The following PCDHGB3 variants were observed in gnomAD, a reference collection of about 807,000 sequenced individuals.
PCDHGB3 encodes the protein protocadherin gamma subfamily B, 3, also known as protocadherin gamma-B3.
Under a neutral mutation model 59.2 loss-of-function variants are expected in PCDHGB3, and 40 were observed. That is an observed-to-expected ratio of 0.68 (90% confidence interval 0.52 to 0.88). The LOEUF (loss-of-function observed/expected upper bound fraction) is 0.88, where lower values mean the gene tolerates loss of function less well. Among genes scored for constraint, PCDHGB3 ranks in the 40% least tolerant of loss-of-function variants. PCDHGB3 has a pLI of 0.00. For missense variants in PCDHGB3, 1,309 were observed against 1,187.9 expected (o/e 1.10, Z -1.50); for synonymous variants, 581 against 503.6 (o/e 1.15, Z -2.06).
chr5:141,371,718 A>T lies in PCDHGB3; in HGVS notation c.1324A>T (p.Ile442Phe), dbSNP rs1191526865. Residue 442 changes from isoleucine to phenylalanine, a missense_variant, in exon 1 of 4, where the codon ATC becomes TTC. Transcript: ENST00000576222. Reference sequence around the variant, plus strand: ...CTCCAGCAAGACCATCACTCTGCACATCCTTGATGTCAACGACAACGTTCC... The same window carrying T: ...CTCCAGCAAGACCATCACTCTGCACTTCCTTGATGTCAACGACAACGTTCC... ...LSSSKTITLH[I>F]LDVNDNVPVF... 6.2e-7 allele frequency: 1 copy of T among 1,613,946 alleles called. No individual in the cohort carries two copies. Among genetic ancestry groups the T allele is most frequent in the Non-Finnish European group, 8.5e-7 (1 of 1,179,918 alleles).
At chr5:141,416,124 AT>A (rs1297389183) in intron 1 of PCDHGB3, 1 of 154,644 alleles carries the variant, frequency 6.5e-6, no homozygotes, top group Non-Finnish European at 1.4e-5. Flanking sequence ...CATTTTATAT[AT>A]TTTTCAATCT....
At chr5:141,399,736 G>A (rs771689220) in intron 1 of PCDHGB3, 4 of 1,613,306 alleles carry the variant, frequency 2.5e-6, no homozygotes, top group Non-Finnish European at 3.4e-6. Flanking sequence ...GGGCTCGCCT[G>A]CGCTCAGCGC....
chr5:141,448,323 A>G (rs2098582223), intron 1 of PCDHGB3, among the ~76,000 whole-genome samples: 1 of 152,080 alleles, frequency 6.6e-6, no homozygotes, highest in Non-Finnish European at 1.5e-5. Flanking sequence ...TTTTCTTTGA[A>G]TCTTTATAGC....
In PCDHGB3 at chr5:141,372,254, C is replaced by T. The variant is rs776276298; in HGVS notation, c.1860C>T (p.Gly620=). The T allele has an allele frequency of 2.2e-5, 35 of 1,612,978 alleles. No homozygotes were observed. In the East Asian group the frequency reaches 7.6e-4, roughly 35 times the overall value. Residue 620 remains glycine (G), a synonymous_variant, in exon 1 of 4, where the codon GGC becomes GGT. Transcript: ENST00000576222. The part of the protein sequence containing the change: ...QASEPGLFSL[G]LRTGEVRTAR... ...GCGAGCCCGGGCTGTTCAGCCTGGG[C>T]CTGCGCACGGGTGAGGTGCGCACGG...
intron 1 of PCDHGB3, chr5:141,410,641 T>G: frequency 6.3e-7 from 1 of 1,599,146 alleles, no homozygotes. Context: ...CTTTTTTGTG[T>G]GTGATTTATC....
intron 1 of PCDHGB3, chr5:141,404,805 C>T (rs770534822): frequency 1.7e-5 from 28 of 1,613,842 alleles, no homozygotes; most frequent in Admixed American, 6.7e-5. Context: ...GGGCTCTTCT[C>T]GGTGGGGCTG....
At position 141,400,963 on chromosome 5, in the gene PCDHGB3, ATC is replaced by A. The variant is rs563949563; in HGVS notation, c.2415+28158_2415+28159del. ...TTCACTGATTTCACTGGTAGTTTTC[ATC>A]TCTTTCTTATGTTCCTCATATATGC... is the stretch of plus-strand genomic sequence containing the variant. On this transcript the variant is annotated intron_variant, in intron 1 of 3. Coordinates refer to ENST00000576222, the MANE Select transcript of PCDHGB3 (RefSeq NM_018924.5). 3.8e-3 allele frequency among the ~76,000 whole-genome samples: 582 copies of A among 152,338 alleles called. 6 individuals carry two copies. Among genetic ancestry groups the A allele is most frequent in the Admixed American group, 0.011 (171 of 15,304 alleles).
chr5:141,418,125 G>C, intron 1 of PCDHGB3: 1 of 1,614,086 alleles, frequency 6.2e-7, no homozygotes. Flanking sequence ...GTGAAGGACC[G>C]AATAGACCGT....
intron 1 of PCDHGB3, chr5:141,379,423 A>G (rs1261037274): frequency 3.3e-5 from 5 of 152,260 alleles, no homozygotes. Context: ...CTCATGAGTT[A>G]GATGGGCTGT....
chr5:141,427,013 T>A, intron 1 of PCDHGB3: 2 of 456,846 alleles, frequency 4.4e-6, no homozygotes, highest in Non-Finnish European at 8.8e-6. Flanking sequence ...TTAGCCAGGA[T>A]GTATACAAAG....
intron 1 of PCDHGB3, chr5:141,427,815 G>A: frequency 6.5e-7 from 1 of 1,527,760 alleles, no homozygotes; most frequent in Non-Finnish European, 9.0e-7. Context: ...ACAGAGCGGG[G>A]TGGTGGTCGC....
chr5:141,403,809 A>C (rs1242181843), intron 1 of PCDHGB3: 1 of 1,613,904 alleles, frequency 6.2e-7, no homozygotes, highest in South Asian at 1.1e-5. Flanking sequence ...AAAATTAATG[A>C]AAAACAATCT....
At chr5:141,376,228 A>G (rs762009445) in intron 1 of PCDHGB3, 17 of 1,613,956 alleles carry the variant, frequency 1.1e-5, no homozygotes, top group Admixed American at 3.3e-5. Context: ...TGGCGCTCAG[A>G]CTGCAGCGCT....
chr5:141,422,699 C>G (rs765368737), intron 1 of PCDHGB3: 2 of 1,603,420 alleles, frequency 1.2e-6, no homozygotes, highest in South Asian at 1.1e-5. Context: ...GTCACTTACT[C>G]TCTGACGGAT....
At chr5:141,410,038 T>C (rs1364065272) in intron 1 of PCDHGB3, 2 of 1,613,086 alleles carry the variant, frequency 1.2e-6, no homozygotes, top group African/African-American at 1.3e-5. Flanking sequence ...TGCAGGCCAG[T>C]GAGCCCGGAC....
At chr5:141,408,450 A>C in intron 1 of PCDHGB3, 1 of 1,613,944 alleles carries the variant, frequency 6.2e-7, no homozygotes, top group Non-Finnish European at 8.5e-7. Flanking sequence ...GAGAGCGGGG[A>C]CTTACTTGTG....
intron 1 of PCDHGB3, among the ~76,000 whole-genome samples, chr5:141,461,838 T>G (rs1592748714): frequency 6.6e-6 from 1 of 151,980 alleles, no homozygotes; most frequent in African/African-American, 2.4e-5. Context: ...TTCTTTTTTT[T>G]TTGAGACAGA....
At chr5:141,464,680 A>G (rs747974832) in intron 1 of PCDHGB3, among the ~76,000 whole-genome samples, 3 of 152,144 alleles carry the variant, frequency 2.0e-5, no homozygotes, top group Non-Finnish European at 4.4e-5. Flanking sequence ...TTTTAATTAA[A>G]ATTTCTCTTA....
rs769909773 is a variant in PCDHGB3 at position 141,476,732 on chromosome 5, C to T, written c.2416-18075C>T. The T allele has an allele frequency of 8.7e-6, 14 of 1,614,096 alleles. No homozygotes were observed. Among genetic ancestry groups the T allele is most frequent in the Non-Finnish European group, 1.1e-5 (13 of 1,180,030 alleles). ...GTTGGAGCGCGCCCTGGACCGAGAA[C>T]GGGAGCCTAGTCTCCAGTTAGTGCT... is the stretch of plus-strand genomic sequence containing the variant. On this transcript the variant is annotated intron_variant, in intron 1 of 3. Coordinates refer to ENST00000576222, the MANE Select transcript of PCDHGB3 (RefSeq NM_018924.5). The surrounding 1 kb of genome is among the most constrained non-coding windows in gnomAD (Gnocchi z 7.6).
Sources: allele counts gnomAD v4.1 joint callset (sites outside exome capture counted in the v4.1 genomes callset), GRCh38; gene constraint gnomAD v4.1.1; non-coding constraint Gnocchi (gnomAD v3.1); transcripts MANE v1.5; gene names NCBI Gene and HGNC (gene_info 2026-07-23, HGNC 2026-07-21).